The following JAK1 variants were observed in gnomAD, a reference collection of about 807,000 sequenced individuals.
The protein encoded by JAK1 is tyrosine-protein kinase JAK1.
A neutral mutation model predicts 136.6 loss-of-function variants in JAK1; 16 were observed. That is an observed-to-expected ratio of 0.12 (90% CI 0.08 to 0.18). The LOEUF is 0.18. Ranked by LOEUF, JAK1 falls within the 10% of genes least tolerant of loss-of-function variation. The pLI is 1.00. For missense variants in JAK1, 859 were observed against 1,450.1 expected (o/e 0.59, Z 6.62); for synonymous variants, 492 against 519.5 (o/e 0.95, Z 0.72).
chr1:64,860,419 C>CATTTATTTATTTATTTATTT (rs3051564), intron 8 of JAK1, among the ~76,000 whole-genome samples, 157 bp from the exon 9 acceptor site: 3 of 73,914 alleles, frequency 4.1e-5, no homozygotes, highest in Non-Finnish European at 6.8e-5. Flanking sequence ...CCCTTGCATG[C>CATTTATTTATTTATTTATTT]ATTTATTTAT....
In JAK1 at chr1:65,041,302, C is replaced by T. The variant is rs568515926; in HGVS notation, c.-78+3178G>A. On this transcript the variant is annotated intron_variant, in intron 2 of 25. Transcript: ENST00000671954. The stretch of plus-strand genomic sequence containing the variant: ...ATTTTCTCATTTCCCCAGGCTGAAC[C>T]TGACCTAAAACAAACTTTCATTTTC... 1.4e-4 allele frequency among the ~76,000 whole-genome samples: 22 copies of T among 152,328 alleles called. No homozygotes were observed. The South Asian group carries it at 4.1e-3, about 29-fold the overall frequency.
intron 5 of JAK1, among the ~76,000 whole-genome samples, chr1:64,872,146 C>T (rs1156466408): frequency 1.3e-5 from 2 of 152,134 alleles, no homozygotes; most frequent in Non-Finnish European, 2.9e-5. Context: ...AGAGGAGAGT[C>T]GGCAATATTG....
At chr1:64,980,058 A>G (rs1336236751) in intron 2 of JAK1, among the ~76,000 whole-genome samples, 1 of 152,230 alleles carries the variant, frequency 6.6e-6, no homozygotes, top group Non-Finnish European at 1.5e-5. Flanking sequence ...AGATATTTGT[A>G]GAGCATCTAC....
chr1:64,922,725 G>A (rs1409654243), intron 1 of JAK1, among the ~76,000 whole-genome samples: 2 of 151,838 alleles, frequency 1.3e-5, no homozygotes, highest in African/African-American at 2.4e-5. Context: ...TTTATAATCT[G>A]AATAGAAAAT....
rs1645184741 is a variant in JAK1, at chr1:64,905,991, T to C, written c.-77-19650A>G. ...CCTGTTGCATGGTTCAAATGCCACA[T>C]GCATGCCAACAATGTCCAAATTTCT... is the stretch of plus-strand genomic sequence containing the variant. On this transcript the variant is annotated intron_variant, in intron 1 of 24. Coordinates refer to ENST00000342505, the MANE Select transcript of JAK1 (RefSeq NM_002227.4). Among the ~76,000 whole-genome samples the C allele has an allele frequency of 2.0e-5, 3 of 152,192 alleles. No homozygotes were observed. The South Asian group carries it at 6.2e-4, about 31-fold the overall frequency.
At chr1:64,858,885 C>G (rs1415406959) in intron 9 of JAK1, among the ~76,000 whole-genome samples, 1 of 152,176 alleles carries the variant, frequency 6.6e-6, no homozygotes, top group Non-Finnish European at 1.5e-5. Context: ...GAAGACTTCA[C>G]GGATAAGGTG....
intron 2 of JAK1, among the ~76,000 whole-genome samples, chr1:64,974,866 TTTTTGTTTTG>T (rs1198795780): frequency 3.9e-5 from 6 of 152,116 alleles, no homozygotes; most frequent in African/African-American, 1.2e-4. Flanking sequence ...CTCTTTTCTT[TTTTTGTTTTG>T]TTTTGTTTTT....
chr1:65,063,619 C>T (rs1234148018), intron 1 of JAK1, among the ~76,000 whole-genome samples: 1 of 151,994 alleles, frequency 6.6e-6, no homozygotes, highest in Non-Finnish European at 1.5e-5. Flanking sequence ...GCCTGGCCAA[C>T]GTGGGGAAAC....
intron 17 of JAK1, among the ~76,000 whole-genome samples, chr1:64,843,655 T>C (rs1307887112): frequency 6.6e-6 from 1 of 152,202 alleles, no homozygotes; most frequent in African/African-American, 2.4e-5. Context: ...CTGTATCTTA[T>C]TTTATAGTGA....
At chr1:65,010,622 A>G (rs1174143371) in intron 2 of JAK1, among the ~76,000 whole-genome samples, 1 of 152,242 alleles carries the variant, frequency 6.6e-6, no homozygotes, top group African/African-American at 2.4e-5. Context: ...CATTGTTGGA[A>G]GTCACTAAAC....
chr1:64,887,379 T>C (rs746010473), intron 1 of JAK1, among the ~76,000 whole-genome samples: 4 of 152,228 alleles, frequency 2.6e-5, no homozygotes, highest in Non-Finnish European at 4.4e-5. Context: ...GTTTTAATTA[T>C]GTGAATAAAC....
intron 2 of JAK1, among the ~76,000 whole-genome samples, chr1:64,983,275 A>G (rs528504686): frequency 9.2e-5 from 14 of 152,124 alleles, no homozygotes; most frequent in Admixed American, 7.9e-4. Flanking sequence ...ATACTATCTC[A>G]AACATGGCCT....
At chr1:64,921,995 C>T (rs539912333) in intron 1 of JAK1, among the ~76,000 whole-genome samples, 10 of 151,992 alleles carry the variant, frequency 6.6e-5, no homozygotes, top group South Asian at 2.1e-4. Context: ...CAGAGTAGAT[C>T]GGCATAGGGA....
chr1:65,044,722 C>T (rs551960183), intron 1 of JAK1, among the ~76,000 whole-genome samples: 4 of 152,278 alleles, frequency 2.6e-5, no homozygotes, highest in Non-Finnish European at 2.9e-5. Context: ...GAGATGTACA[C>T]GCAGTTTGGG....
intron 1 of JAK1, among the ~76,000 whole-genome samples, chr1:64,913,784 T>C (rs1645343116): frequency 1.3e-5 from 2 of 150,870 alleles, no homozygotes; most frequent in Non-Finnish European, 1.5e-5. Flanking sequence ...TAACTCCATA[T>C]AAGGGTGGAT....
intron 1 of JAK1, among the ~76,000 whole-genome samples, chr1:64,926,642 A>G (rs973560367): frequency 1.3e-5 from 2 of 152,030 alleles, no homozygotes; most frequent in African/African-American, 4.8e-5. Flanking sequence ...CATTCTATAC[A>G]CATTTTGTTT....
Position 64,906,026 on chromosome 1 carries a change from C to T in JAK1, c.-77-19685G>A, listed in dbSNP as rs540136141. Among the ~76,000 whole-genome samples, 6 of 152,324 alleles carry T rather than the reference C, an allele frequency of 3.9e-5. No homozygotes were observed. In the South Asian group the frequency reaches 1.2e-3, roughly 32 times the overall value. ...CAATGTCCAAATTTCTATCTCAGAA[C>T]TCCGATCTCAAATATCCAACTACCT... is the stretch of plus-strand genomic sequence containing the variant. On this transcript the variant is annotated intron_variant, in intron 1 of 24. Transcript: ENST00000342505.
At chr1:64,907,953 C>T (rs1033860854) in intron 1 of JAK1, among the ~76,000 whole-genome samples, 6 of 152,156 alleles carry the variant, frequency 3.9e-5, no homozygotes, top group Non-Finnish European at 7.3e-5. Flanking sequence ...CTAGCCTAAA[C>T]ACTTTTAAAT....
chr1:64,973,662 T>C (rs1158737000), intron 2 of JAK1: 1 of 151,180 alleles, frequency 6.6e-6, no homozygotes, highest in East Asian at 1.9e-4. Context: ...AATCAAATGT[T>C]GAACCTCTTA....
Sources: allele counts gnomAD v4.1 joint callset (sites outside exome capture counted in the v4.1 genomes callset), GRCh38; gene constraint gnomAD v4.1.1; transcripts MANE v1.5; gene names NCBI Gene and HGNC (gene_info 2026-07-23, HGNC 2026-07-21).